AP3M1: variants seen among roughly 807,000 people sequenced by gnomAD.
AP3M1 encodes AP-3 complex subunit mu-1.
AP3M1 carries 29 observed loss-of-function variants against 42.6 expected under a neutral mutation model. The observed-to-expected ratio is 0.68, with a 90% CI of 0.51 to 0.93. AP3M1 has a LOEUF of 0.93. AP3M1 is among the 40% of genes least tolerant of loss of function. The probability of loss-of-function intolerance (pLI) is 0.00; values close to 1 mark genes in which losing one functional copy is unlikely to be tolerated. For missense variants in AP3M1, 416 were observed against 510.2 expected, an observed-to-expected ratio of 0.82 and a Z score of 1.78; for synonymous variants, 178 against 175.3, an observed-to-expected ratio of 1.02 and a Z score of -0.12.
chr10:74,142,561 T>C (rs1251751443), intron 1 of AP3M1, among the ~76,000 whole-genome samples: 1 of 152,190 alleles, frequency 6.6e-6, no homozygotes, highest in African/African-American at 2.4e-5. Flanking sequence ...CAGTTTAGGG[T>C]TCCTGTTTAA....
At chr10:74,137,267 AC>A (rs1564550538) in intron 2 of AP3M1, among the ~76,000 whole-genome samples, 1 of 151,832 alleles carries the variant, frequency 6.6e-6, no homozygotes, top group Non-Finnish European at 1.5e-5. Context: ...ACAAAACAAA[AC>A]AAGCAAACAA....
chr10:74,147,150 T>C lies in AP3M1; in HGVS notation c.-4+3605A>G, dbSNP rs377346596. Among the ~76,000 whole-genome samples the C allele has an allele frequency of 1.4e-4, 21 of 152,128 alleles. No individual in the cohort carries two copies. In the East Asian group the frequency reaches 3.5e-3, roughly 25 times the overall value. Reference sequence around the variant, plus strand: ...ATACCAACAAATTAGCTGGGTGTGGTGGTGGGTGCCTGTAATCCCGGCTGC... The same window carrying C: ...ATACCAACAAATTAGCTGGGTGTGGCGGTGGGTGCCTGTAATCCCGGCTGC... On this transcript the variant is annotated intron_variant, in intron 1 of 8. Transcript: ENST00000355264.
intron 4 of AP3M1, among the ~76,000 whole-genome samples, chr10:74,133,117 G>A (rs182052906): frequency 9.5e-4 from 145 of 151,936 alleles, no homozygotes; most frequent in African/African-American, 3.2e-3. Context: ...AGCCAGGGCC[G>A]GGAGCGGTGG....
At chr10:74,140,706 A>G (rs35601073) in intron 1 of AP3M1, among the ~76,000 whole-genome samples, 14,546 of 152,258 alleles carry the variant, frequency 0.096, 964 homozygotes, top group Non-Finnish European at 0.15. Context: ...GGACAGACCT[A>G]CAGATCAATA....
intron 1 of AP3M1, among the ~76,000 whole-genome samples, chr10:74,149,036 A>G (rs1019367830): frequency 2.0e-5 from 3 of 149,750 alleles, no homozygotes; most frequent in African/African-American, 7.4e-5. Flanking sequence ...CCACGCCCAG[A>G]TAATTTTTAT....
chr10:74,144,344 A>G (rs1167706207), intron 1 of AP3M1, among the ~76,000 whole-genome samples: 1 of 151,818 alleles, frequency 6.6e-6, no homozygotes, highest in African/African-American at 2.4e-5. Flanking sequence ...GGCTCACTCC[A>G]ACGCCCACCT....
chr10:74,141,661 C>T (rs926517209), intron 1 of AP3M1, among the ~76,000 whole-genome samples: 1 of 151,418 alleles, frequency 6.6e-6, no homozygotes, highest in South Asian at 2.1e-4. Flanking sequence ...AGTGGAGGGC[C>T]ATGGGGATGA....
intron 4 of AP3M1, among the ~76,000 whole-genome samples, chr10:74,130,600 C>T (rs531742566): frequency 1.3e-5 from 2 of 151,904 alleles, no homozygotes; most frequent in Non-Finnish European, 2.9e-5. Flanking sequence ...ACCTCCACGC[C>T]TGGCTAATTT....
chr10:74,121,516 AG>A lies in AP3M1; in HGVS notation c.*2293del, dbSNP rs1840458858. 1 of 152,220 alleles carries A rather than the reference AG, an allele frequency of 6.6e-6. No individual in the cohort carries two copies. The highest frequency in any genetic ancestry group is 2.4e-5 in the African/African-American group (1 of 41,468). The allele number at this position is 152,220 out of a possible 1,614,324, so 9.4% of individuals were successfully genotyped here. On this transcript the variant is annotated 3_prime_UTR_variant, in exon 9 of 9. Transcript: ENST00000355264. ...ATCTTTGTTATCAGTAGGTGGTGGT[AG>A]TGATAGGGAAGGGAGCTTTGATCAC...
At chr10:74,133,986 G>A in intron 4 of AP3M1, 41 bp downstream of exon 4, 1 of 1,608,108 alleles carries the variant, frequency 6.2e-7, no homozygotes, top group South Asian at 1.1e-5. Flanking sequence ...TGTGTCAGAT[G>A]AATTGTTTTT....
chr10:74,128,302 G>A lies in AP3M1; in HGVS notation c.803+806C>T, dbSNP rs553918629. Among the ~76,000 whole-genome samples, 90 of 150,694 alleles carry A rather than the reference G, an allele frequency of 6.0e-4. No homozygotes were observed. The South Asian group carries it at 7.7e-3, about 13-fold the overall frequency. On this transcript the variant is annotated intron_variant, in intron 6 of 8. Transcript: ENST00000355264. ...GTTGGCCAGGCTGTAGTGCAGTGGT[G>A]TGATCTGTCACTGCAACCTCTGCCT...
Position 74,133,928 on chromosome 10 carries a change from C to T in AP3M1, c.583+99G>A, listed in dbSNP as rs1025802707. 32 of 1,463,664 alleles carry T rather than the reference C, an allele frequency of 2.2e-5. No homozygotes were observed. In the African/African-American group the frequency reaches 3.2e-4, roughly 15 times the overall value. 90.7% of individuals were successfully genotyped at this position (1,463,664 alleles called of 1,614,324 possible). A position where few individuals can be genotyped will look rare whatever the true frequency, so the allele number is the denominator to read the frequency against. On this transcript the variant is annotated intron_variant, in intron 4 of 8. Coordinates refer to ENST00000355264, the MANE Select transcript of AP3M1 (RefSeq NM_012095.6). ...TTGGCCTCCCAAAGGGCTGGGATTA[C>T]AGGCGTGAGCCACCGCGCCCGGCCA...
At chr10:74,126,970 C>CAAAAAAAAAAAAAAAAAAAAAAAA (rs58110411) in intron 6 of AP3M1, among the ~76,000 whole-genome samples, 1 of 32,354 alleles carries the variant, frequency 3.1e-5, no homozygotes, top group Admixed American at 6.3e-4. Flanking sequence ...GACGCCATCT[C>CAAAAAAAAAAAAAAAAAAAAAAAA]AAAAAAAAAA....
intron 3 of AP3M1, among the ~76,000 whole-genome samples, chr10:74,135,594 C>T (rs184365143): frequency 5.3e-5 from 8 of 151,954 alleles, no homozygotes; most frequent in African/African-American, 1.7e-4. Context: ...ACTTTTTTGT[C>T]GGAGTGAATA....
chr10:74,130,632 A>G (rs1478346673), intron 4 of AP3M1, among the ~76,000 whole-genome samples: 1 of 151,910 alleles, frequency 6.6e-6, no homozygotes, highest in Admixed American at 6.6e-5. Context: ...TTGTAGAGAC[A>G]GGGTCTTGTT....
intron 4 of AP3M1, among the ~76,000 whole-genome samples, chr10:74,131,456 C>T (rs564601085): frequency 3.3e-5 from 5 of 151,972 alleles, no homozygotes; most frequent in Non-Finnish European, 4.4e-5. Context: ...TGTGAGCCAC[C>T]GCGCCCGGCT....
In AP3M1 at chr10:74,136,633, T is replaced by C. The variant is rs371768592; in HGVS notation, c.444A>G (p.Thr148=). Residue 148 remains threonine (T), a splice_region_variant and synonymous_variant, in exon 3 of 9, where the codon ACA becomes ACG. Coordinates refer to ENST00000355264, the MANE Select transcript of AP3M1 (RefSeq NM_012095.6). ...TAGCACAGTATGTTTTCATCTTACC[T>C]GTAATAGAGTTGACAACAGAGCGTA... is the stretch of plus-strand genomic sequence containing the variant. ...TILRSVVNSI[T]GSSNVGDTLP... The C allele has an allele frequency of 4.6e-5, 71 of 1,542,894 alleles. 1 individual carries two copies. The highest frequency in any genetic ancestry group is 4.3e-4 in the South Asian group (36 of 83,266).
chr10:74,125,688 G>C (rs1418054732), intron 7 of AP3M1, among the ~76,000 whole-genome samples: 1 of 152,166 alleles, frequency 6.6e-6, no homozygotes, highest in East Asian at 1.9e-4. Context: ...AATTTAAGTA[G>C]AGTGAGGAAG....
Position 74,123,539 on chromosome 10 carries a change from G to A in AP3M1, c.*271C>T, listed in dbSNP as rs948955244. ...TCTGCCTTTACTGTTACAATGTGCAGCCGCCAGATGGTATCCTCCTATGGA... is the reference window on the plus strand; with the variant it reads ...TCTGCCTTTACTGTTACAATGTGCAACCGCCAGATGGTATCCTCCTATGGA... On this transcript the variant is annotated 3_prime_UTR_variant, in exon 9 of 9. Transcript: ENST00000355264. 3.4e-5 allele frequency: 16 copies of A among 470,928 alleles called. No individual in the cohort carries two copies. Among genetic ancestry groups the A allele is most frequent in the African/African-American group, 3.0e-4 (15 of 50,574 alleles). 29.2% of individuals were successfully genotyped at this position (470,928 alleles called of 1,614,324 possible). A position where few individuals can be genotyped will look rare whatever the true frequency, so the allele number is the denominator to read the frequency against.
Sources: allele counts gnomAD v4.1 joint callset (sites outside exome capture counted in the v4.1 genomes callset), GRCh38; gene constraint gnomAD v4.1.1; transcripts MANE v1.5; gene names NCBI Gene and HGNC (gene_info 2026-07-23, HGNC 2026-07-21).